The following STXBP5 variants were observed in gnomAD, a reference collection of about 807,000 sequenced individuals.
The protein encoded by STXBP5 is syntaxin-binding protein 5.
In STXBP5, 50 loss-of-function variants were observed where a neutral mutation model predicts 152.4. The ratio of observed to expected loss-of-function variants is 0.33; its 90% confidence interval spans 0.26 to 0.42. The LOEUF (loss-of-function observed/expected upper bound fraction) is 0.42, where lower values mean the gene tolerates loss of function less well. STXBP5 is among the 10% of genes least tolerant of loss of function. The pLI is 1.00. For missense variants in STXBP5, 1,167 were observed against 1,388.6 expected (o/e 0.84, Z 2.54); for synonymous variants, 492 against 494.7 (o/e 0.99, Z 0.07).
intron 22 of STXBP5, among the ~76,000 whole-genome samples, chr6:147,354,399 G>A (rs1245119679): frequency 6.6e-6 from 1 of 151,892 alleles, no homozygotes; most frequent in African/African-American, 2.4e-5. Context: ...CTAGTATAAG[G>A]GAACAAGAGT....
intron 21 of STXBP5, chr6:147,351,875 G>A: frequency 1.0e-6 from 1 of 985,258 alleles, no homozygotes; most frequent in Non-Finnish European, 1.2e-6. Flanking sequence ...TGTTTACATG[G>A]CGCCCTTATG....
rs898993201 is a variant in STXBP5 at position 147,205,905 on chromosome 6, T to C, written c.151-66T>C. 3.0e-5 allele frequency: 38 copies of C among 1,260,388 alleles called. No homozygotes were observed. The African/African-American group carries it at 3.1e-4, about 10-fold the overall frequency. 78.1% of individuals were successfully genotyped at this position (1,260,388 alleles called of 1,614,324 possible). A position where few individuals can be genotyped will look rare whatever the true frequency, so the allele number is the denominator to read the frequency against. On this transcript the variant is annotated intron_variant, in intron 1 of 27. Transcript: ENST00000321680. ...GTGGTTCTAAATTCTAACGCCTCTA[T>C]TGACTTTCTATTTTAAAATTTCGCT...
chr6:147,317,094 G>T (rs1200540129), intron 16 of STXBP5, among the ~76,000 whole-genome samples: 1 of 152,160 alleles, frequency 6.6e-6, no homozygotes, highest in Non-Finnish European at 1.5e-5. Flanking sequence ...GGTGGTTCTG[G>T]TAGCACTCAG....
At chr6:147,248,652 T>C (rs1206095649) in intron 4 of STXBP5, among the ~76,000 whole-genome samples, 1 of 152,164 alleles carries the variant, frequency 6.6e-6, no homozygotes, top group Non-Finnish European at 1.5e-5. Flanking sequence ...AGCAATTTTA[T>C]TCCTAAACAG....
intron 21 of STXBP5, among the ~76,000 whole-genome samples, chr6:147,347,191 G>A (rs1167907665): frequency 6.6e-6 from 1 of 152,056 alleles, no homozygotes; most frequent in Non-Finnish European, 1.5e-5. Context: ...TCTTAAGTTA[G>A]AAAAAGAAGG....
chr6:147,301,133 C>T (rs1027559061), intron 9 of STXBP5, among the ~76,000 whole-genome samples: 1 of 151,918 alleles, frequency 6.6e-6, no homozygotes, highest in African/African-American at 2.4e-5. Flanking sequence ...TGGCAGTTAT[C>T]AAACAAGACA....
chr6:147,385,512 A>G lies in STXBP5; in HGVS notation c.*757A>G, dbSNP rs1786296578. 1 of 152,068 alleles carries G rather than the reference A, an allele frequency of 6.6e-6. No homozygotes were observed. Among genetic ancestry groups the G allele is most frequent in the Non-Finnish European group, 1.5e-5 (1 of 68,008 alleles). The allele number at this position is 152,068 out of a possible 1,614,324, so 9.4% of individuals were successfully genotyped here. On this transcript the variant is annotated 3_prime_UTR_variant, in exon 28 of 28. Transcript: ENST00000321680. ...TTCTGGGAGTTTCCATGTAGTGGCT[A>G]TGCAGTGTGGAAAGTGAGAAAAACC...
At chr6:147,299,249 T>TA (rs145902394) in intron 9 of STXBP5, among the ~76,000 whole-genome samples, 68,939 of 146,706 alleles carry the variant, frequency 0.47, 16,098 homozygotes, top group East Asian at 0.72. Context: ...TTGAGTAATC[T>TA]AAAAAAAAAA....
At chr6:147,338,923 A>C (rs1324056048) in intron 19 of STXBP5, among the ~76,000 whole-genome samples, 1 of 151,746 alleles carries the variant, frequency 6.6e-6, no homozygotes, top group African/African-American at 2.4e-5. Flanking sequence ...CTAATATACC[A>C]AGATTTTGCC....
At position 147,327,354 on chromosome 6, in the gene STXBP5, ATAGT is replaced by A. The variant is rs1430992134; in HGVS notation, c.2080+82_2080+85del. 4.0e-6 allele frequency: 6 copies of A among 1,487,234 alleles called. 1 individual carries two copies. The highest frequency in any genetic ancestry group is 1.4e-5 in the African/African-American group (1 of 70,986). The allele number at this position is 1,487,234 out of a possible 1,614,324, so 92.1% of individuals were successfully genotyped here. ...GCTTACTTTTGTGAATATAAGTATT[ATAGT>A]TAGGTAAATAGCTTGCCTGATTTAG... is the stretch of plus-strand genomic sequence containing the variant. On this transcript the variant is annotated intron_variant, in intron 18 of 27. Coordinates refer to ENST00000321680, the MANE Select transcript of STXBP5 (RefSeq NM_001127715.4).
chr6:147,327,469 G>A (rs990296513), intron 18 of STXBP5, among the ~76,000 whole-genome samples, 193 bp downstream of exon 18: 5 of 151,930 alleles, frequency 3.3e-5, no homozygotes, highest in South Asian at 2.1e-4. Context: ...TTTTTTTTGA[G>A]ACAGGGTCTC....
chr6:147,310,211 A>C lies in STXBP5; in HGVS notation c.1045A>C (p.Thr349Pro). 6.3e-7 allele frequency: 1 copy of C among 1,593,620 alleles called. No individual in the cohort carries two copies. Among genetic ancestry groups the C allele is most frequent in the Non-Finnish European group, 8.5e-7 (1 of 1,173,724 alleles). The change falls in exon 10 of 28, where the codon ACG becomes CCG. Residue 349 changes from threonine to proline, a missense_variant. Transcript: ENST00000321680. ...GGACTATTCAATTGTTGATTTTCTA[A>C]CGCTGTGTGAAACACCATACCCAAA... ...EMDYSIVDFL[T>P]LCETPYPNDF...
rs201531077 is a variant in STXBP5 at position 147,318,339 on chromosome 6, C to CT, written c.1802+1940dup. Reference sequence around the variant, plus strand: ...CTTTGTCCTCTGTTCTTAGAAAGGCCTTTTTTTTCCAGTTTTTTTACTGAC... The same window carrying CT: ...CTTTGTCCTCTGTTCTTAGAAAGGCCTTTTTTTTTCCAGTTTTTTTACTGAC... On this transcript the variant is annotated intron_variant, in intron 16 of 27. Transcript: ENST00000321680. 8.4e-3 allele frequency among the ~76,000 whole-genome samples: 1,272 copies of CT among 151,942 alleles called. 24 individuals are homozygous for CT. The highest frequency in any genetic ancestry group is 0.029 in the African/African-American group (1,213 of 41,452).
chr6:147,329,364 C>T lies in STXBP5; in HGVS notation c.2080+2088C>T, dbSNP rs1333166239. ...AAGATATTTACTCATTGTTATGTCTCGCTTTGTCAATATTTAGGGTTGTGT... is the reference window on the plus strand; with the variant it reads ...AAGATATTTACTCATTGTTATGTCTTGCTTTGTCAATATTTAGGGTTGTGT... On this transcript the variant is annotated intron_variant, in intron 18 of 27. Transcript: ENST00000321680. Among the ~76,000 whole-genome samples, 4 of 149,288 alleles carry T rather than the reference C, an allele frequency of 2.7e-5. No individual in the cohort carries two copies. The East Asian group carries it at 5.9e-4, about 22-fold the overall frequency.
intron 21 of STXBP5, chr6:147,351,769 AC>A: frequency 1.3e-6 from 1 of 787,290 alleles, no homozygotes; most frequent in Non-Finnish European, 1.5e-6. Flanking sequence ...GTCCCTTCCA[AC>A]CCCCATTCCT....
chr6:147,314,820 G>A (rs1782561638), intron 14 of STXBP5, among the ~76,000 whole-genome samples, 184 bp downstream of exon 14: 1 of 152,016 alleles, frequency 6.6e-6, no homozygotes, highest in African/African-American at 2.4e-5. Context: ...AGTAAATCAA[G>A]AATAATTGGC....
chr6:147,314,358 T>C, intron 13 of STXBP5, 27 bp downstream of exon 13: 1 of 1,575,212 alleles, frequency 6.3e-7, no homozygotes, highest in Non-Finnish European at 8.7e-7. Flanking sequence ...CTTCACCAAG[T>C]AAATCTATAA....
At chr6:147,328,042 C>G (rs908367637) in intron 18 of STXBP5, among the ~76,000 whole-genome samples, 1 of 152,200 alleles carries the variant, frequency 6.6e-6, no homozygotes, top group Non-Finnish European at 1.5e-5. Context: ...TAAGCCCACA[C>G]TCATTGAGAA....
intron 2 of STXBP5, among the ~76,000 whole-genome samples, chr6:147,211,174 G>A (rs1252965924): frequency 1.3e-5 from 2 of 152,062 alleles, no homozygotes; most frequent in African/African-American, 4.8e-5. Context: ...GCCTGGCGTG[G>A]TGGTGCACGC....
Sources: gnomAD v4.1 joint callset for allele counts (sites outside exome capture counted in the v4.1 genomes callset) on GRCh38, gnomAD v4.1.1 for gene constraint, MANE v1.5 for transcripts, NCBI Gene and HGNC (gene_info 2026-07-23, HGNC 2026-07-21) for gene names.